AFF2: variants seen among roughly 807,000 people sequenced by gnomAD.
AFF2 encodes AF4/FMR2 family member 2.
In AFF2, 14 loss-of-function variants were observed where a neutral mutation model predicts 76.9. The ratio of observed to expected loss-of-function variants is 0.18; its 90% CI spans 0.12 to 0.28. The LOEUF is 0.28. Ranked by LOEUF, AFF2 falls within the 10% of genes least tolerant of loss-of-function variation. AFF2 has a pLI of 1.00. For synonymous variants in AFF2, 398 were observed against 366.7 expected (o/e 1.09, Z -0.98); for missense variants, 868 against 1,001.1 (o/e 0.87, Z 1.79).
chrX:148,560,645 G>A (rs139891033), intron 1 of AFF2, among the ~76,000 whole-genome samples: 2,495 of 111,447 alleles, frequency 0.022, 68 homozygotes, highest in African/African-American at 0.074. Context: ...CTAACAAACA[G>A]CTAATATCCA....
chrX:148,830,242 C>T (rs2070436872), intron 4 of AFF2, among the ~76,000 whole-genome samples: 1 of 112,240 alleles, frequency 8.9e-6, no homozygotes, highest in Non-Finnish European at 1.9e-5. Context: ...GCAAAGGGCC[C>T]CTGTCCTTCC....
intron 1 of AFF2, among the ~76,000 whole-genome samples, chrX:148,515,887 A>G (rs1437920567): frequency 3.6e-5 from 4 of 112,016 alleles, no homozygotes; most frequent in African/African-American, 9.8e-5. Flanking sequence ...GTCTCCCCAC[A>G]AGTAATCATC....
At chrX:148,582,022 T>C (rs1160902231) in intron 1 of AFF2, among the ~76,000 whole-genome samples, 4 of 111,920 alleles carry the variant, frequency 3.6e-5, no homozygotes, top group Non-Finnish European at 7.5e-5. Context: ...GTCCTTGATA[T>C]TTTTGAAAAT....
intron 7 of AFF2, among the ~76,000 whole-genome samples, chrX:148,852,767 A>G (rs1284650902): frequency 1.8e-5 from 2 of 111,610 alleles, no homozygotes; most frequent in Non-Finnish European, 3.8e-5. Flanking sequence ...CGTCACCACT[A>G]TCATCGCTCC....
At chrX:148,644,409 T>C (rs1038930320) in intron 1 of AFF2, among the ~76,000 whole-genome samples, 22 of 111,583 alleles carry the variant, frequency 2.0e-4, no homozygotes, top group African/African-American at 7.2e-4. Context: ...AACCTCCCTG[T>C]GTCTCATGTA....
intron 1 of AFF2, among the ~76,000 whole-genome samples, chrX:148,531,886 A>G (rs1249909181): frequency 2.4e-5 from 2 of 84,377 alleles, no homozygotes; most frequent in African/African-American, 4.8e-5. Flanking sequence ...AAGTATTGAT[A>G]GAAGATTAAT....
chrX:148,867,236 G>A (rs1455331108), intron 7 of AFF2, among the ~76,000 whole-genome samples: 3 of 112,478 alleles, frequency 2.7e-5, no homozygotes, highest in African/African-American at 6.5e-5. Context: ...CTGGCTGAAC[G>A]CATTCCCGTC....
chrX:148,964,289 G>A (rs903022665), intron 13 of AFF2, among the ~76,000 whole-genome samples: 1 of 112,078 alleles, frequency 8.9e-6, no homozygotes, highest in Non-Finnish European at 1.9e-5. Context: ...CTTAGGGCAG[G>A]GATAGAGACA....
At chrX:148,950,555 A>G (rs908498404) in intron 9 of AFF2, among the ~76,000 whole-genome samples, 1 of 111,605 alleles carries the variant, frequency 9.0e-6, no homozygotes, top group Non-Finnish European at 1.9e-5. Flanking sequence ...TCTTATCCCC[A>G]TATCTGTATG....
At chrX:148,746,266 A>G (rs1557266068) in intron 3 of AFF2, among the ~76,000 whole-genome samples, 1 of 111,842 alleles carries the variant, frequency 8.9e-6, no homozygotes, top group Non-Finnish European at 1.9e-5. Context: ...TGAAAATTCC[A>G]TTTTGCTCCT....
intron 3 of AFF2, among the ~76,000 whole-genome samples, chrX:148,664,681 G>A (rs1458674829): frequency 7.1e-5 from 8 of 112,433 alleles, no homozygotes; most frequent in Admixed American, 2.8e-4. Context: ...TATCCCAAGC[G>A]CCTAGCAAAT....
intron 3 of AFF2, among the ~76,000 whole-genome samples, chrX:148,690,528 C>G (rs2054640178): frequency 8.9e-6 from 1 of 112,058 alleles, no homozygotes; most frequent in Non-Finnish European, 1.9e-5. Context: ...CTGGCACCTG[C>G]ATTTAGGTCT....
intron 3 of AFF2, among the ~76,000 whole-genome samples, chrX:148,698,267 A>G (rs781843851): frequency 2.1e-3 from 237 of 112,838 alleles, no homozygotes; most frequent in South Asian, 5.0e-3. Flanking sequence ...GGCTTTAGGC[A>G]TCACAAAAGT....
At chrX:148,822,382 G>A (rs1367459485) in intron 4 of AFF2, 1 of 111,379 alleles carries the variant, frequency 9.0e-6, no homozygotes, top group Non-Finnish European at 1.9e-5. Context: ...TAGCCAGCCA[G>A]ATCAGTTGAA....
At chrX:148,732,171 A>G (rs1291427011) in intron 3 of AFF2, among the ~76,000 whole-genome samples, 4 of 83,301 alleles carry the variant, frequency 4.8e-5, no homozygotes, top group Non-Finnish European at 8.5e-5. Context: ...CTTGGAACCA[A>G]CCCAAATGTC....
chrX:148,561,627 T>C (rs2053114360), intron 1 of AFF2, among the ~76,000 whole-genome samples: 1 of 111,268 alleles, frequency 9.0e-6, no homozygotes, highest in South Asian at 3.8e-4. Flanking sequence ...TCCTTACCTG[T>C]ACCTCGTCTC....
intron 1 of AFF2, among the ~76,000 whole-genome samples, chrX:148,535,972 C>T (rs1557236528): frequency 9.0e-6 from 1 of 111,597 alleles, no homozygotes; most frequent in Non-Finnish European, 1.9e-5. Context: ...TTTAAGAATT[C>T]GCACTTTGGG....
At chrX:148,808,824 A>G (rs1034164101) in intron 3 of AFF2, among the ~76,000 whole-genome samples, 1 of 112,096 alleles carries the variant, frequency 8.9e-6, no homozygotes, top group African/African-American at 3.2e-5. Flanking sequence ...TAGTTTTTAC[A>G]GGTGAGGAAA....
At position 148,767,158 on chromosome X, in the gene AFF2, A is replaced by G. The variant is rs1603297219; in HGVS notation, c.1042-42718A>G. Among the ~76,000 whole-genome samples the G allele has an allele frequency of 3.6e-5, 4 of 110,464 alleles. No homozygotes were observed. The East Asian group carries it at 1.1e-3, about 32-fold the overall frequency. On this transcript the variant is annotated intron_variant, in intron 3 of 20. Coordinates refer to ENST00000370460, the MANE Select transcript of AFF2 (RefSeq NM_002025.4). ...ATTCATTTATTGTATATTATGTTAA[A>G]TAAAAGTAACATGGAAGAGGGAAAG...
Sources: gnomAD v4.1 joint callset for allele counts (sites outside exome capture counted in the v4.1 genomes callset) on GRCh38, gnomAD v4.1.1 for gene constraint, MANE v1.5 for transcripts, NCBI Gene and HGNC (gene_info 2026-07-23, HGNC 2026-07-21) for gene names.